ZNF804B: variants seen among roughly 807,000 people sequenced by gnomAD.
ZNF804B encodes the protein zinc finger 804B.
In ZNF804B, 80 loss-of-function variants were observed where a neutral mutation model predicts 101.4. The observed-to-expected ratio is 0.79, with a 90% CI of 0.66 to 0.95. The LOEUF (loss-of-function observed/expected upper bound fraction) is 0.95. ZNF804B is among the 40% of genes least tolerant of loss of function. The pLI is 0.00. For missense variants in ZNF804B, 1,673 were observed against 1,561.9 expected (o/e 1.07, Z -1.20); for synonymous variants, 622 against 558.8 (o/e 1.11, Z -1.59).
chr7:88,816,710 G>A (rs531532137), intron 1 of ZNF804B, among the ~76,000 whole-genome samples: 111 of 142,268 alleles, frequency 7.8e-4, no homozygotes, highest in Admixed American at 1.7e-3. Flanking sequence ...TTAGAATGGC[G>A]ATCATTAAAA....
At chr7:88,817,340 C>T (rs1790899860) in intron 1 of ZNF804B, among the ~76,000 whole-genome samples, 1 of 151,980 alleles carries the variant, frequency 6.6e-6, no homozygotes, top group Non-Finnish European at 1.5e-5. Flanking sequence ...TGTAACAAAC[C>T]TGCACCTTGT....
At chr7:89,030,701 T>A (rs1373752765) in intron 1 of ZNF804B, among the ~76,000 whole-genome samples, 3 of 152,164 alleles carry the variant, frequency 2.0e-5, no homozygotes, top group Non-Finnish European at 4.4e-5. Context: ...CCACATTATG[T>A]GAAAAATATT....
intron 1 of ZNF804B, among the ~76,000 whole-genome samples, chr7:88,890,289 TAAGTA>T (rs1456009217): frequency 2.6e-5 from 4 of 152,296 alleles, no homozygotes; most frequent in Admixed American, 2.0e-4. Flanking sequence ...TGTATGATAT[TAAGTA>T]AAGTGTTCAA....
chr7:88,958,286 T>A (rs899627671), intron 1 of ZNF804B, among the ~76,000 whole-genome samples: 1 of 151,476 alleles, frequency 6.6e-6, no homozygotes, highest in Non-Finnish European at 1.5e-5. Context: ...ACATAAAATA[T>A]GTCCAAAAAG....
chr7:89,065,458 C>G (rs1789444121), intron 1 of ZNF804B, among the ~76,000 whole-genome samples: 1 of 152,096 alleles, frequency 6.6e-6, no homozygotes, highest in African/African-American at 2.4e-5. Context: ...TCTGATGATG[C>G]AATAAAGCTT....
intron 1 of ZNF804B, among the ~76,000 whole-genome samples, chr7:88,875,453 C>T (rs1363984681): frequency 1.4e-4 from 21 of 151,946 alleles, no homozygotes; most frequent in East Asian, 3.9e-4. Flanking sequence ...ATCAAATAGA[C>T]GCAATAAAAA....
At chr7:88,940,047 C>T (rs1263112565) in intron 1 of ZNF804B, among the ~76,000 whole-genome samples, 1 of 151,846 alleles carries the variant, frequency 6.6e-6, no homozygotes, top group African/African-American at 2.4e-5. Context: ...TAAATTAATT[C>T]ATGTATTTGA....
intron 1 of ZNF804B, among the ~76,000 whole-genome samples, chr7:88,849,711 A>C (rs1394464937): frequency 2.9e-4 from 44 of 151,194 alleles, no homozygotes; most frequent in Admixed American, 2.9e-3. Flanking sequence ...TTATTAATTT[A>C]TTATTTAAAT....
At chr7:89,071,206 A>T (rs909727861) in intron 1 of ZNF804B, among the ~76,000 whole-genome samples, 2 of 152,056 alleles carry the variant, frequency 1.3e-5, no homozygotes, top group Non-Finnish European at 2.9e-5. Context: ...AGTGTTTTTG[A>T]TCTGAGGTTG....
intron 1 of ZNF804B, among the ~76,000 whole-genome samples, chr7:89,121,323 T>G (rs145052370): frequency 2.6e-5 from 4 of 152,288 alleles, no homozygotes; most frequent in East Asian, 3.9e-4. Flanking sequence ...ATAAAGACTG[T>G]ATGTGAGTTG....
rs1791025164 is a variant in ZNF804B at position 89,333,794 on chromosome 7, A to G, written c.812A>G (p.Lys271Arg). 6.2e-7 allele frequency: 1 copy of G among 1,613,396 alleles called. No individual in the cohort carries two copies. The highest frequency in any genetic ancestry group is 8.5e-7 in the Non-Finnish European group (1 of 1,179,756). The change falls in exon 4 of 4, where the codon AAA becomes AGA. Residue 271 changes from lysine to arginine, a missense_variant. By Grantham distance (26) the Lys-to-Arg change is conservative. Coordinates refer to ENST00000333190, the MANE Select transcript of ZNF804B (RefSeq NM_181646.5). ...TGCAAGTGCTGCAGGTTTGCAAATA[A>G]AGATACACACCTTACCAAGGAAAAA... is the stretch of plus-strand genomic sequence containing the variant. ...DKCKCCRFANKDTHLTKEKEV... is the reference protein window; with the variant it reads ...DKCKCCRFANRDTHLTKEKEV...
At chr7:88,801,146 G>A (rs539050479) in intron 1 of ZNF804B, among the ~76,000 whole-genome samples, 7 of 151,812 alleles carry the variant, frequency 4.6e-5, no homozygotes, top group African/African-American at 1.7e-4. Context: ...ATTCTAGTGC[G>A]CCCACCCAGC....
intron 1 of ZNF804B, among the ~76,000 whole-genome samples, chr7:89,087,105 A>T (rs1280205215): frequency 2.0e-4 from 31 of 151,698 alleles, no homozygotes. Context: ...GACTCAGTGC[A>T]CTCATTGGTT....
chr7:89,201,122 T>C (rs899450778), intron 1 of ZNF804B, among the ~76,000 whole-genome samples: 1 of 152,018 alleles, frequency 6.6e-6, no homozygotes, highest in Non-Finnish European at 1.5e-5. Flanking sequence ...TTTCATTTTA[T>C]ATTACAGAAG....
intron 1 of ZNF804B, chr7:88,794,218 T>C (rs774603331): frequency 4.3e-6 from 7 of 1,612,968 alleles, no homozygotes; most frequent in Non-Finnish European, 5.9e-6. Flanking sequence ...CACCTCAGAA[T>C]CCAGAGTGAT....
chr7:89,128,125 G>T (rs1790499889), intron 1 of ZNF804B, among the ~76,000 whole-genome samples: 1 of 151,338 alleles, frequency 6.6e-6, no homozygotes, highest in Non-Finnish European at 1.5e-5. Flanking sequence ...ATTCCTTTTG[G>T]GCGTTTGAAT....
At chr7:89,197,503 C>A (rs547992940) in intron 1 of ZNF804B, among the ~76,000 whole-genome samples, 37 of 151,948 alleles carry the variant, frequency 2.4e-4, no homozygotes, top group East Asian at 2.3e-3. Context: ...ATTTTTCTTC[C>A]TCTTTTCTTC....
intron 1 of ZNF804B, among the ~76,000 whole-genome samples, chr7:88,996,094 C>G (rs937041570): frequency 6.6e-6 from 1 of 151,808 alleles, no homozygotes; most frequent in East Asian, 1.9e-4. Flanking sequence ...GAAAGCTGCA[C>G]GAAGTATGGA....
intron 1 of ZNF804B, among the ~76,000 whole-genome samples, chr7:89,179,110 G>A (rs7786918): frequency 0.043 from 6,479 of 152,140 alleles, 144 homozygotes; most frequent in Middle Eastern, 0.11. Flanking sequence ...TGGCCTTTGG[G>A]AGCTTGATTA....
Sources: gnomAD v4.1 joint callset for allele counts (sites outside exome capture counted in the v4.1 genomes callset) on GRCh38, gnomAD v4.1.1 for gene constraint, MANE v1.5 for transcripts, NCBI Gene and HGNC (gene_info 2026-07-23, HGNC 2026-07-21) for gene names.